Variants in ABCA10 observed in about 807,000 individuals in gnomAD.
ABCA10 encodes the protein ATP-binding cassette sub-family A member 10.
In ABCA10, 169 loss-of-function variants were observed where a neutral mutation model predicts 187.5. That is an observed-to-expected ratio of 0.90 (90% CI 0.80 to 1.02). The LOEUF (loss-of-function observed/expected upper bound fraction) is 1.02. ABCA10 is among the 50% of genes least tolerant of loss of function. The probability of loss-of-function intolerance (pLI) is 0.00; values close to 1 mark genes in which losing one functional copy is unlikely to be tolerated. For synonymous variants in ABCA10, 574 were observed against 601.8 expected (o/e 0.95, Z 0.68); for missense variants, 1,727 against 1,812.4 (o/e 0.95, Z 0.86).
chr17:69,182,632 C>CA (rs201767684), intron 21 of ABCA10, 43 bp downstream of exon 21: 1,687 of 1,491,840 alleles, frequency 1.1e-3, no homozygotes, highest in South Asian at 2.8e-3. Context: ...GCAAAAAAAA[C>CA]AAAAAAAAAC....
In ABCA10 at chr17:69,165,164, C is replaced by T. The variant is rs182742987; in HGVS notation, c.3163-81G>A. Reference sequence around the variant, plus strand: ...ATATTTCCTGTGAATAACCTGTTTTCCTGGGAGATACTGCCATTTTCAACT... The same window carrying T: ...ATATTTCCTGTGAATAACCTGTTTTTCTGGGAGATACTGCCATTTTCAACT... On this transcript the variant is annotated intron_variant, in intron 25 of 38. Transcript: ENST00000690296. 396 of 1,192,414 alleles carry T rather than the reference C, an allele frequency of 3.3e-4. 1 individual carries two copies. In the African/African-American group the frequency reaches 5.4e-3, roughly 16 times the overall value. The allele number at this position is 1,192,414 out of a possible 1,614,324, so 73.9% of individuals were successfully genotyped here.
chr17:69,164,155 C>G lies in ABCA10; in HGVS notation c.3283-1G>C. On this transcript the variant is annotated splice_acceptor_variant, in intron 26 of 38. Coordinates refer to ENST00000690296, the MANE Select transcript of ABCA10 (RefSeq NM_001377321.1). LOFTEE classifies it high-confidence loss of function. ...TGTCCAAGTTTCTCATAAAGTCGAG[C>G]TGAAAAAAAACCCACCAACAGTTAA... 1 of 1,567,790 alleles carries G rather than the reference C, an allele frequency of 6.4e-7. No individual in the cohort carries two copies. The highest frequency in any genetic ancestry group is 8.6e-7 in the Non-Finnish European group (1 of 1,164,808).
At chr17:69,188,090 A>T (rs2074435735) in intron 18 of ABCA10, among the ~76,000 whole-genome samples, 1 of 152,208 alleles carries the variant, frequency 6.6e-6, no homozygotes, top group Non-Finnish European at 1.5e-5. Flanking sequence ...TTTGAGGATG[A>T]TTAAGGCTTC....
intron 9 of ABCA10, among the ~76,000 whole-genome samples, chr17:69,210,845 CACATAT>C (rs1568069879): frequency 1.5e-4 from 2 of 13,244 alleles, no homozygotes; most frequent in Non-Finnish European, 3.4e-4. Context: ...ATATTTATGC[CACATAT>C]ATATATATAT....
At chr17:69,181,103 A>G (rs1026634845) in intron 22 of ABCA10, among the ~76,000 whole-genome samples, 2 of 152,192 alleles carry the variant, frequency 1.3e-5, no homozygotes, top group Non-Finnish European at 2.9e-5. Flanking sequence ...ACCATATTTT[A>G]TCATAAATCC....
intron 20 of ABCA10, 88 bp from the exon 21 acceptor site, chr17:69,182,896 C>T (rs559423074): frequency 4.8e-4 from 714 of 1,479,350 alleles, no homozygotes; most frequent in Non-Finnish European, 6.1e-4. Context: ...GATTGCCAAT[C>T]GTGTTAAGAA....
intron 3 of ABCA10, among the ~76,000 whole-genome samples, chr17:69,223,067 T>G (rs1261248189): frequency 2.1e-5 from 3 of 141,082 alleles, no homozygotes; most frequent in East Asian, 2.0e-4. Flanking sequence ...GGAGAGGGGG[T>G]AGGGGAGGAG....
intron 6 of ABCA10, among the ~76,000 whole-genome samples, chr17:69,219,026 TTAA>T (rs1472135074): frequency 1.3e-5 from 2 of 152,182 alleles, no homozygotes; most frequent in Non-Finnish European, 1.5e-5. Flanking sequence ...GTGACTTACT[TTAA>T]TGAGATTTTA....
intron 11 of ABCA10, among the ~76,000 whole-genome samples, chr17:69,195,872 T>TG (rs2074496299): frequency 6.6e-6 from 1 of 152,016 alleles, no homozygotes; most frequent in South Asian, 2.1e-4. Flanking sequence ...AGCAAGGGGT[T>TG]GGGGGTAAGG....
chr17:69,150,107 A>G, intron 36 of ABCA10, 44 bp from the exon 37 acceptor site: 1 of 1,434,498 alleles, frequency 7.0e-7, no homozygotes, highest in Non-Finnish European at 9.7e-7. Context: ...TTTCAGTGTG[A>G]TAATACGGGG....
chr17:69,193,083 A>G (rs1404272043), intron 15 of ABCA10, 27 bp downstream of exon 15: 6 of 1,570,990 alleles, frequency 3.8e-6, no homozygotes, highest in South Asian at 3.5e-5. Context: ...TTAAATAACT[A>G]GTTGGAATAA....
chr17:69,155,070 T>A lies in ABCA10; in HGVS notation c.3643A>T (p.Thr1215Ser). 6.2e-7 allele frequency: 1 copy of A among 1,613,012 alleles called. No homozygotes were observed. The highest frequency in any genetic ancestry group is 8.5e-7 in the Non-Finnish European group (1 of 1,179,328). ...YYETKKSCFSTRKKKIAIRNV... is the reference protein window; with the variant it reads ...YYETKKSCFSSRKKKIAIRNV... ...CTGATGGCTATTTTCTTCTTTCTTG[T>A]TGAAAAGCAACTTTTCTTTGTCTCA... The change falls in exon 30 of 39, where the codon ACA (threonine) becomes TCA (serine). Residue 1215 changes from threonine (T) to serine (S), a missense_variant. By Grantham distance (58) the Thr-to-Ser change is moderately conservative. Coordinates refer to ENST00000690296, the MANE Select transcript of ABCA10 (RefSeq NM_001377321.1).
At chr17:69,157,914 G>C (rs1469377139) in intron 27 of ABCA10, among the ~76,000 whole-genome samples, 1 of 151,670 alleles carries the variant, frequency 6.6e-6, no homozygotes. Context: ...CTTAGGGAGG[G>C]GGGGATTTCT....
chr17:69,198,695 T>C (rs1237553871), intron 10 of ABCA10, among the ~76,000 whole-genome samples: 1 of 152,210 alleles, frequency 6.6e-6, no homozygotes, highest in Non-Finnish European at 1.5e-5. Context: ...TCTTGTACAT[T>C]TGTGAATCCC....
chr17:69,210,170 C>CTTTTTTTTTT lies in ABCA10; in HGVS notation c.1006+4524_1006+4533dup, dbSNP rs1160992125. On this transcript the variant is annotated intron_variant, in intron 9 of 38. Coordinates refer to ENST00000690296, the MANE Select transcript of ABCA10 (RefSeq NM_001377321.1). ...TGGGTAAATTATTTAGTGGTTATTT[C>CTTTTTTTTTT]TTTTTTTTTTTTTTTTTTTTTTTTT... 1.1e-4 allele frequency among the ~76,000 whole-genome samples: 8 copies of CTTTTTTTTTT among 70,874 alleles called. 1 individual carries two copies. The highest frequency in any genetic ancestry group is 3.0e-4 in the Admixed American group (2 of 6,604). 46.5% of individuals were successfully genotyped at this position (70,874 alleles called of 152,430 possible). A position where few individuals can be genotyped will look rare whatever the true frequency, so the allele number is the denominator to read the frequency against.
At chr17:69,152,286 A>G in intron 35 of ABCA10, 76 bp downstream of exon 35, 2 of 1,577,890 alleles carry the variant, frequency 1.3e-6, no homozygotes, top group Admixed American at 3.7e-5. Flanking sequence ...GCTGTAGAGC[A>G]TCAGCTGTTC....
chr17:69,221,751 G>A (rs1435371620), intron 5 of ABCA10, 41 bp downstream of exon 5: 2 of 1,516,532 alleles, frequency 1.3e-6, no homozygotes, highest in Non-Finnish European at 1.8e-6. Context: ...AAAGAGGGAA[G>A]AATACAGATT....
intron 3 of ABCA10, among the ~76,000 whole-genome samples, chr17:69,223,356 CAG>C (rs1226238666): frequency 6.6e-6 from 1 of 152,128 alleles, no homozygotes; most frequent in African/African-American, 2.4e-5. Flanking sequence ...AGTCTACCTA[CAG>C]ATTCTCTGAG....
chr17:69,208,696 A>G lies in ABCA10; in HGVS notation c.1006+6008T>C, dbSNP rs142431576. 6.9e-3 allele frequency among the ~76,000 whole-genome samples: 1,056 copies of G among 152,204 alleles called. 12 individuals are homozygous for G. The highest frequency in any genetic ancestry group is 0.024 in the African/African-American group (1,010 of 41,534). Reference sequence around the variant, plus strand: ...AAGAGATTCCAAAAGGAAGAAAGCAATGAGAAAGTAGAGTAGAGCCTAAAC... The same window carrying G: ...AAGAGATTCCAAAAGGAAGAAAGCAGTGAGAAAGTAGAGTAGAGCCTAAAC... On this transcript the variant is annotated intron_variant, in intron 9 of 38. Transcript: ENST00000690296.
Sources: gnomAD v4.1 joint callset for allele counts (sites outside exome capture counted in the v4.1 genomes callset) on GRCh38, gnomAD v4.1.1 for gene constraint, MANE v1.5 for transcripts, NCBI Gene and HGNC (gene_info 2026-07-23, HGNC 2026-07-21) for gene names.